Variants in RP1 observed in about 807,000 individuals in gnomAD.
RP1 encodes the protein RP1 axonemal microtubule associated.
Under a neutral mutation model 14.8 loss-of-function variants are expected in RP1, and 16 were observed. The ratio of observed to expected loss-of-function variants is 1.08; its 90% CI spans 0.73 to 1.65. The LOEUF is 1.65. RP1 is among the 40% of genes most tolerant of loss of function. RP1 has a pLI of 0.00. For missense variants in RP1, 2,631 were observed against 2,535.0 expected (o/e 1.04, Z -0.81); for synonymous variants, 876 against 883.6 (o/e 0.99, Z 0.15).
chr8:54,741,627 T>C lies in RP1; in HGVS notation c.2808+2598T>C, dbSNP rs1206524918. On this transcript the variant is annotated intron_variant, in intron 19 of 22. Coordinates refer to the RP1 transcript ENST00000636932. ...CATTTCTTGGAAAGTATCCCCATTG[T>C]TAAACAACACATGAATATATATAAA... 3.4e-5 allele frequency among the ~76,000 whole-genome samples: 5 copies of C among 148,138 alleles called. No homozygotes were observed. In the Admixed American group the frequency reaches 3.4e-4, roughly 10 times the overall value.
intron 1 of RP1, chr8:54,560,912 A>C (rs1269572073): frequency 6.6e-6 from 1 of 152,096 alleles, no homozygotes; most frequent in Admixed American, 6.6e-5. Flanking sequence ...TGGAGCCTCC[A>C]TGTTGGGGGT....
chr8:54,598,219 T>A (rs1805196980), intron 1 of RP1, among the ~76,000 whole-genome samples: 1 of 152,202 alleles, frequency 6.6e-6, no homozygotes, highest in Non-Finnish European at 1.5e-5. Context: ...ATTTCTTTCT[T>A]TCATATACTT....
In RP1 at chr8:54,864,588, G is replaced by T. The variant is rs181758237; in HGVS notation, c.4070-1247G>T. Reference sequence around the variant, plus strand: ...TTTTTCCCTGTTGATTATTAAGATGGCTTGCATAGTTTCAGCTTGCAGTTC... The same window carrying T: ...TTTTTCCCTGTTGATTATTAAGATGTCTTGCATAGTTTCAGCTTGCAGTTC... On this transcript the variant is annotated intron_variant, in intron 27 of 28. Coordinates refer to the RP1 transcript ENST00000637698. Among the ~76,000 whole-genome samples, 335 of 152,182 alleles carry T rather than the reference G, an allele frequency of 2.2e-3. 1 individual carries two copies. Among genetic ancestry groups the T allele is most frequent in the African/African-American group, 7.5e-3 (312 of 41,528 alleles).
At chr8:54,754,706 C>A in intron 19 of RP1, 1 of 1,228,694 alleles carries the variant, frequency 8.1e-7, no homozygotes, top group Non-Finnish European at 1.1e-6. Flanking sequence ...TCAGAGTATG[C>A]AGTACACTTT....
intron 24 of RP1, among the ~76,000 whole-genome samples, chr8:54,793,931 C>T (rs1810523920): frequency 6.6e-6 from 1 of 151,488 alleles, no homozygotes; most frequent in Non-Finnish European, 1.5e-5. Context: ...CTAAAAATTC[C>T]ACCAAAAAGC....
chr8:54,801,669 G>A (rs1810711039), intron 24 of RP1, among the ~76,000 whole-genome samples: 1 of 152,064 alleles, frequency 6.6e-6, no homozygotes, highest in East Asian at 1.9e-4. Flanking sequence ...TGGGGTTCTT[G>A]GAGGAAAAGT....
chr8:54,726,336 T>C (rs1481954366), intron 16 of RP1: 1 of 1,518,014 alleles, frequency 6.6e-7, no homozygotes, highest in Non-Finnish European at 8.8e-7. Flanking sequence ...TTTAAAATCT[T>C]AATTTCAGTT....
chr8:54,790,928 AG>A (rs1299623807), intron 24 of RP1, among the ~76,000 whole-genome samples: 3 of 152,220 alleles, frequency 2.0e-5, no homozygotes. Context: ...AGGGACAAAA[AG>A]CCTATTTAAA....
intron 1 of RP1, among the ~76,000 whole-genome samples, chr8:54,608,730 T>A (rs974625356): frequency 3.3e-5 from 5 of 152,204 alleles, no homozygotes; most frequent in African/African-American, 4.8e-5. Flanking sequence ...TTAAATATAT[T>A]TGCTATCCTA....
intron 7 of RP1, among the ~76,000 whole-genome samples, chr8:54,672,551 G>A (rs1170036799): frequency 2.0e-5 from 3 of 152,152 alleles, no homozygotes; most frequent in East Asian, 3.8e-4. Flanking sequence ...TAGTGTCTCC[G>A]TGTGTAAATT....
intron 24 of RP1, among the ~76,000 whole-genome samples, chr8:54,805,353 T>C (rs1195536468): frequency 1.3e-5 from 2 of 152,262 alleles, no homozygotes; most frequent in African/African-American, 4.8e-5. Context: ...GGCAGAATTA[T>C]TAACATTCTT....
At chr8:54,734,633 A>G in exon 18 of RP1, 1 of 1,535,822 alleles carries the variant, frequency 6.5e-7, no homozygotes, top group Non-Finnish European at 8.7e-7. Flanking sequence ...CAGGAACTCA[A>G]GCCAATGTCA....
intron 15 of RP1, among the ~76,000 whole-genome samples, chr8:54,708,467 C>T (rs926905421): frequency 1.2e-4 from 18 of 152,070 alleles, no homozygotes; most frequent in African/African-American, 3.6e-4. Flanking sequence ...TGCCATTCTC[C>T]TGCCTCAATC....
chr8:54,803,543 T>C (rs1810764978), intron 24 of RP1, among the ~76,000 whole-genome samples: 2 of 152,166 alleles, frequency 1.3e-5, no homozygotes, highest in Non-Finnish European at 2.9e-5. Flanking sequence ...CCAGATGCTA[T>C]TCAGGGAACA....
chr8:54,621,663 C>G, intron 2 of RP1, 82 bp downstream of exon 2: 1 of 1,594,080 alleles, frequency 6.3e-7, no homozygotes, highest in Middle Eastern at 2.1e-4. Flanking sequence ...TGAATGGTGG[C>G]CCCCGGGAAG....
At chr8:54,838,139 T>C (rs557349982) in intron 25 of RP1, among the ~76,000 whole-genome samples, 1 of 152,240 alleles carries the variant, frequency 6.6e-6, no homozygotes, top group African/African-American at 2.4e-5. Context: ...AGAATAGATG[T>C]GTGTGTTCAG....
At chr8:54,717,886 G>T (rs1808442908) in intron 15 of RP1, among the ~76,000 whole-genome samples, 2 of 152,118 alleles carry the variant, frequency 1.3e-5, no homozygotes, top group African/African-American at 4.8e-5. Context: ...AGTGTTTATA[G>T]TGAGGTTGCA....
chr8:54,701,772 C>T (rs1808026577), intron 14 of RP1: 3 of 977,806 alleles, frequency 3.1e-6, no homozygotes, highest in Admixed American at 2.7e-5. Context: ...AATCACTTCC[C>T]ACTAGGTGGC....
At chr8:54,659,866 T>C (rs1018973687) in intron 6 of RP1, among the ~76,000 whole-genome samples, 13 of 152,214 alleles carry the variant, frequency 8.5e-5, no homozygotes, top group Non-Finnish European at 1.8e-4. Flanking sequence ...GGGGTGTCTT[T>C]CCATTTATTT....
Sources: gnomAD v4.1 joint callset for allele counts (sites outside exome capture counted in the v4.1 genomes callset) on GRCh38, gnomAD v4.1.1 for gene constraint, MANE v1.5 for transcripts, NCBI Gene and HGNC (gene_info 2026-07-23, HGNC 2026-07-21) for gene names.